Variants in DDX46 observed in about 807,000 individuals in gnomAD.
DDX46 encodes DEAD-box helicase 46.
A neutral mutation model predicts 134.9 loss-of-function variants in DDX46; 30 were observed. The ratio of observed to expected loss-of-function variants is 0.22; its 90% CI spans 0.17 to 0.30. The LOEUF is 0.30. DDX46 is among the 10% of genes least tolerant of loss of function. The pLI is 1.00. For missense variants in DDX46, 622 were observed against 1,248.7 expected, an observed-to-expected ratio of 0.50 and a Z score of 7.56; for synonymous variants, 415 against 404.1, an observed-to-expected ratio of 1.03 and a Z score of -0.32.
Position 134,777,731 on chromosome 5 carries a change from G to A in DDX46, c.765+6G>A. On this transcript the variant is annotated splice_donor_region_variant and intron_variant, in intron 6 of 22. Coordinates refer to ENST00000452510, the MANE Select transcript of DDX46 (RefSeq NM_001300860.2). ...GTGGTGGGGGAAATGAAAAGGTATG[G>A]AATTTCTTATTTTTAAAGATTTCCG... The A allele has an allele frequency of 6.3e-7, 1 of 1,592,448 alleles. No homozygotes were observed. Among genetic ancestry groups the A allele is most frequent in the East Asian group, 2.2e-5 (1 of 44,544 alleles).
In DDX46 at chr5:134,784,469, A is replaced by G; in HGVS notation, c.1270A>G (p.Ile424Val). The G allele has an allele frequency of 6.2e-7, 1 of 1,614,122 alleles. No individual in the cohort carries two copies. Among genetic ancestry groups the G allele is most frequent in the Non-Finnish European group, 8.5e-7 (1 of 1,179,996 alleles). ...TGCCAAAACAGGAAGTGGAAAGACC[A>G]TTGCTTTTCTGTTGCCCATGTTTAG... ...GIAKTGSGKTIAFLLPMFRHI... is the reference protein window; with the variant it reads ...GIAKTGSGKTVAFLLPMFRHI... The change falls in exon 10 of 23, where the codon ATT (isoleucine) becomes GTT (valine). Residue 424 changes from isoleucine to valine, a missense_variant. Transcript: ENST00000452510.
intron 15 of DDX46, among the ~76,000 whole-genome samples, chr5:134,806,824 A>G (rs1165333642): frequency 6.6e-6 from 1 of 152,150 alleles, no homozygotes; most frequent in Non-Finnish European, 1.5e-5. Flanking sequence ...ACCTCATCAT[A>G]AAATATTTTG....
rs1753744623 is a variant in DDX46, at chr5:134,770,915, A to C, written c.363A>C (p.Lys121Asn). Reference sequence around the variant, plus strand: ...ATTTTTTTGGTAGATCTAGGTCCAAAGAGAAAACTGATGGTGGGGAAAGTT... The same window carrying C: ...ATTTTTTTGGTAGATCTAGGTCCAACGAGAAAACTGATGGTGGGGAAAGTT... The part of the protein sequence containing the change: ...SKKTENRSRS[K>N]EKTDGGESSK... The change falls in exon 4 of 23, where the codon AAA (lysine) becomes AAC (asparagine). Residue 121 changes from lysine (K) to asparagine (N), a missense_variant. Lys to Asn is a moderately conservative substitution (Grantham distance 94). Around this residue, in one of 8 missense-constraint regions of DDX46, gnomAD observed 244 missense variants for 349.3 expected, o/e 0.70. Transcript: ENST00000452510. 6.3e-7 allele frequency: 1 copy of C among 1,585,044 alleles called. No homozygotes were observed. The highest frequency in any genetic ancestry group is 1.9e-5 in the Admixed American group (1 of 51,916).
rs753235881 is a variant in DDX46, at chr5:134,777,722, A to G, written c.762A>G (p.Glu254=). The G allele has an allele frequency of 2.5e-6, 4 of 1,596,132 alleles. No individual in the cohort carries two copies. The East Asian group carries it at 6.7e-5, about 27-fold the overall frequency. ...GTGTAAAAGGTGGTGGGGGAAATGA[A>G]AAGGTATGGAATTTCTTATTTTTAA... is the stretch of plus-strand genomic sequence containing the variant. ...MRSVKGGGGN[E]KKSGPTVTKV... is the part of the protein sequence containing the mutation. Residue 254 remains glutamate (E), a synonymous_variant, in exon 6 of 23, where the codon GAA becomes GAG. Coordinates refer to ENST00000452510, the MANE Select transcript of DDX46 (RefSeq NM_001300860.2).
chr5:134,794,133 T>A (rs1290069797), intron 13 of DDX46, among the ~76,000 whole-genome samples: 2 of 152,112 alleles, frequency 1.3e-5, no homozygotes, highest in Non-Finnish European at 2.9e-5. Context: ...GTGATCAGAG[T>A]AGCAATCAGA....
chr5:134,826,122 A>G (rs1755585057), intron 21 of DDX46: 2 of 152,238 alleles, frequency 1.3e-5, no homozygotes, highest in Non-Finnish European at 2.9e-5. Flanking sequence ...GAGTCAGGAA[A>G]ACTTCCTAAA....
chr5:134,827,366 C>T (rs1010373145), intron 22 of DDX46, among the ~76,000 whole-genome samples: 14 of 152,094 alleles, frequency 9.2e-5, no homozygotes, highest in African/African-American at 3.4e-4. Flanking sequence ...CCTCCGCCTC[C>T]TGCGTTCAAG....
intron 2 of DDX46, among the ~76,000 whole-genome samples, chr5:134,765,009 A>T (rs1753519184): frequency 6.6e-6 from 1 of 151,856 alleles, no homozygotes; most frequent in African/African-American, 2.4e-5. Context: ...AGCCTCTTAA[A>T]CTATTTTAAT....
intron 20 of DDX46, 151 bp from the exon 21 acceptor site, chr5:134,818,709 A>G (rs1185573783): frequency 2.4e-5 from 6 of 249,554 alleles, no homozygotes; most frequent in East Asian, 1.9e-4. Context: ...GTCTCAAAAG[A>G]AAAAAAAAAA....
At chr5:134,763,595 G>A (rs1322236502) in intron 1 of DDX46, among the ~76,000 whole-genome samples, 1 of 152,086 alleles carries the variant, frequency 6.6e-6, no homozygotes, top group Non-Finnish European at 1.5e-5. Flanking sequence ...ACTATATACA[G>A]TGTTTGTTTC....
intron 13 of DDX46, among the ~76,000 whole-genome samples, chr5:134,791,433 C>T (rs957594052): frequency 2.0e-5 from 3 of 151,938 alleles, no homozygotes; most frequent in Non-Finnish European, 2.9e-5. Flanking sequence ...TGGTGGCAGG[C>T]GCCTGTAGTC....
At chr5:134,760,815 C>T (rs1435149206) in intron 1 of DDX46, among the ~76,000 whole-genome samples, 3 of 151,372 alleles carry the variant, frequency 2.0e-5, no homozygotes, top group African/African-American at 7.3e-5. Context: ...CTGCAAGCTC[C>T]GCCTCCAGGG....
chr5:134,788,858 A>T (rs532044258), intron 12 of DDX46, among the ~76,000 whole-genome samples: 105 of 152,154 alleles, frequency 6.9e-4, no homozygotes, highest in African/African-American at 2.0e-3. Context: ...CAAAAAAAAA[A>T]AATAATAATT....
intron 4 of DDX46, 49 bp downstream of exon 4, chr5:134,771,048 CTTTCTTTCT>C (rs776746218): frequency 1.8e-5 from 14 of 776,482 alleles, no homozygotes; most frequent in East Asian, 2.9e-5. Context: ...TTTTGTCTTT[CTTTCTTTCT>C]TTTCTTTCTT....
chr5:134,818,284 G>A (rs537220695), intron 20 of DDX46, among the ~76,000 whole-genome samples: 11 of 151,518 alleles, frequency 7.3e-5, no homozygotes, highest in African/African-American at 2.4e-4. Context: ...AGTAGAGACG[G>A]GGTTTCTCCA....
intron 22 of DDX46, 149 bp downstream of exon 22, chr5:134,827,169 A>G (rs1268538895): frequency 1.5e-6 from 1 of 672,382 alleles, no homozygotes; most frequent in East Asian, 3.1e-5. Context: ...TACCCAGATC[A>G]AGAAATAAAA....
chr5:134,781,183 A>T lies in DDX46; in HGVS notation c.816A>T (p.Lys272Asn), dbSNP rs145943101. 1 of 1,603,396 alleles carries T rather than the reference A, an allele frequency of 6.2e-7. No homozygotes were observed. The highest frequency in any genetic ancestry group is 8.5e-7 in the Non-Finnish European group (1 of 1,177,786). The part of the protein sequence containing the change: ...TKVVTVVTTK[K>N]AVVDSDKKKG... ...TTGTCACTGTTGTGACAACCAAAAAAGCAGTTGTGGATTCTGATAAGAAGA... is the reference window on the plus strand; with the variant it reads ...TTGTCACTGTTGTGACAACCAAAAATGCAGTTGTGGATTCTGATAAGAAGA... The change falls in exon 7 of 23, where the codon AAA becomes AAT. Residue 272 changes from lysine (K) to asparagine (N), a missense_variant. Physicochemically the swap from Lys to Asn is moderately conservative, Grantham distance 94. Around this residue, in one of 8 missense-constraint regions of DDX46, gnomAD observed 244 missense variants for 349.3 expected, o/e 0.70. Transcript: ENST00000452510.
intron 8 of DDX46, among the ~76,000 whole-genome samples, chr5:134,782,491 A>G (rs1725440898): frequency 6.6e-6 from 1 of 151,990 alleles, no homozygotes. Context: ...AAAATACAAA[A>G]ATAAAAAAAA....
At chr5:134,789,886 A>G (rs965560653) in intron 12 of DDX46, among the ~76,000 whole-genome samples, 1 of 152,172 alleles carries the variant, frequency 6.6e-6, no homozygotes, top group African/African-American at 2.4e-5. Context: ...GTATTTATGT[A>G]ATGTGTTTTG....
Sources: allele counts gnomAD v4.1 joint callset (sites outside exome capture counted in the v4.1 genomes callset), GRCh38; gene constraint gnomAD v4.1.1; regional missense constraint gnomAD v4.1.1; transcripts MANE v1.5; gene names NCBI Gene and HGNC (gene_info 2026-07-23, HGNC 2026-07-21).